The following VPS13D variants were observed in gnomAD, a reference collection of about 807,000 sequenced individuals.
VPS13D encodes the protein vacuolar protein sorting 13 homolog D.
VPS13D carries 187 observed loss-of-function variants against 461.9 expected under a neutral mutation model. The ratio of observed to expected loss-of-function variants is 0.40; its 90% confidence interval spans 0.36 to 0.46. VPS13D has a LOEUF of 0.46. Ranked by LOEUF, VPS13D falls within the 20% of genes least tolerant of loss-of-function variation. The pLI, the probability that VPS13D is intolerant of heterozygous loss-of-function variation, is 0.60. For missense variants in VPS13D, 4,711 were observed against 5,364.9 expected, an observed-to-expected ratio of 0.88 and a Z score of 3.81; for synonymous variants, 1,951 against 1,986.3, an observed-to-expected ratio of 0.98 and a Z score of 0.47.
chr1:12,444,386 A>G (rs937225984), intron 65 of VPS13D, among the ~76,000 whole-genome samples: 1 of 152,120 alleles, frequency 6.6e-6, no homozygotes, highest in Non-Finnish European at 1.5e-5. Flanking sequence ...TGGGATTTGT[A>G]GAACTTCTTG....
rs562860720 is a variant in VPS13D, at chr1:12,299,943, A to G, written c.6216+559A>G. On this transcript the variant is annotated intron_variant, in intron 25 of 69. Coordinates refer to ENST00000620676, the MANE Select transcript of VPS13D (RefSeq NM_015378.4). The surrounding 1 kb of genome is among the most constrained non-coding windows in gnomAD (Gnocchi z 4.2). ...CTTTTGTTTTAGATACAGGGGGTACATGTGCAGGTTTCTTAGATGGGTATA... is the reference window on the plus strand; with the variant it reads ...CTTTTGTTTTAGATACAGGGGGTACGTGTGCAGGTTTCTTAGATGGGTATA... Among the ~76,000 whole-genome samples the G allele has an allele frequency of 4.7e-4, 71 of 150,052 alleles. No homozygotes were observed. Among genetic ancestry groups the G allele is most frequent in the African/African-American group, 1.6e-3 (65 of 40,756 alleles).
chr1:12,493,260 G>T (rs930780013), intron 67 of VPS13D, among the ~76,000 whole-genome samples: 1 of 151,556 alleles, frequency 6.6e-6, no homozygotes, highest in Non-Finnish European at 1.5e-5. Flanking sequence ...AGGCCGAGGC[G>T]GGTGGATCAC....
chr1:12,448,836 C>T (rs1645226334), intron 65 of VPS13D, among the ~76,000 whole-genome samples: 1 of 152,124 alleles, frequency 6.6e-6, no homozygotes, highest in South Asian at 2.1e-4. Flanking sequence ...TCTGAGCTTC[C>T]AGATTAATCT....
chr1:12,474,290 T>G (rs1196287122), intron 67 of VPS13D, among the ~76,000 whole-genome samples: 2 of 152,180 alleles, frequency 1.3e-5, no homozygotes. Flanking sequence ...ATTACGTGGT[T>G]TGGAAAGCAT....
chr1:12,400,958 G>GTGCACACACA (rs1644568079), intron 61 of VPS13D, among the ~76,000 whole-genome samples: 1 of 80,438 alleles, frequency 1.2e-5, no homozygotes, highest in African/African-American at 4.9e-5. Flanking sequence ...GCACCTGCGC[G>GTGCACACACA]CGCGCACACA....
intron 54 of VPS13D, among the ~76,000 whole-genome samples, chr1:12,371,390 CTTTT>C (rs1286829007): frequency 3.7e-5 from 5 of 135,204 alleles, no homozygotes; most frequent in East Asian, 2.1e-4. Flanking sequence ...ATGCTTCATT[CTTTT>C]TTTTTTTTTT....
In VPS13D at chr1:12,272,392, G is replaced by GGTGTGT. The variant is rs60615824; in HGVS notation, c.2104-578_2104-573dup. Reference sequence around the variant, plus strand: ...GAGAATTAGTCCTGTTTTTTGTTTTGGTGTGTGTGTGTGTGTGTGTGTGTG... The same window carrying GGTGTGT: ...GAGAATTAGTCCTGTTTTTTGTTTTGGTGTGTGTGTGTGTGTGTGTGTGTGTGTGTG... On this transcript the variant is annotated intron_variant, in intron 17 of 69. Transcript: ENST00000620676. Among the ~76,000 whole-genome samples, 1,166 of 143,116 alleles carry GGTGTGT rather than the reference G, an allele frequency of 8.1e-3. 8 individuals are homozygous for GGTGTGT. The highest frequency in any genetic ancestry group is 0.013 in the African/African-American group (529 of 39,318). 93.9% of individuals were successfully genotyped at this position (143,116 alleles called of 152,430 possible).
chr1:12,481,341 C>T (rs775332182), intron 67 of VPS13D, among the ~76,000 whole-genome samples: 8 of 152,166 alleles, frequency 5.3e-5, no homozygotes, highest in African/African-American at 1.4e-4. Flanking sequence ...CTTTCCCCTC[C>T]GTGCCCAACC....
intron 2 of VPS13D, among the ~76,000 whole-genome samples, chr1:12,242,016 G>A (rs893940253): frequency 1.3e-5 from 2 of 152,056 alleles, no homozygotes; most frequent in South Asian, 4.1e-4. Flanking sequence ...AAAGAGACCC[G>A]CCGGCCACAT....
intron 65 of VPS13D, among the ~76,000 whole-genome samples, chr1:12,417,793 A>G (rs896317095): frequency 1.3e-5 from 2 of 152,212 alleles, no homozygotes; most frequent in East Asian, 1.9e-4. Flanking sequence ...TTTTTCCCCA[A>G]ACTATTTTCT....
chr1:12,286,900 A>G lies in VPS13D; in HGVS notation c.5635-1323A>G, dbSNP rs189100181. ...TTTTGAGACAGGGTCTTGCCCTATCACCCAGGCTGTAGTGCAGTGGTGCGA... is the reference window on the plus strand; with the variant it reads ...TTTTGAGACAGGGTCTTGCCCTATCGCCCAGGCTGTAGTGCAGTGGTGCGA... On this transcript the variant is annotated intron_variant, in intron 21 of 69. Transcript: ENST00000620676. Among the ~76,000 whole-genome samples, 372 of 152,258 alleles carry G rather than the reference A, an allele frequency of 2.4e-3. 5 individuals carry two copies. Among genetic ancestry groups the G allele is most frequent in the African/African-American group, 7.4e-3 (307 of 41,544 alleles).
At chr1:12,454,415 A>T (rs1557448723) in intron 65 of VPS13D, among the ~76,000 whole-genome samples, 1 of 152,240 alleles carries the variant, frequency 6.6e-6, no homozygotes, top group Non-Finnish European at 1.5e-5. Context: ...TAATTCTCTC[A>T]TTAGACAGGC....
At chr1:12,426,550 C>T (rs1644926704) in intron 65 of VPS13D, among the ~76,000 whole-genome samples, 1 of 152,172 alleles carries the variant, frequency 6.6e-6, no homozygotes, top group Non-Finnish European at 1.5e-5. Flanking sequence ...TAGTCCTTTT[C>T]TTTCCTTACC....
rs1643885287 is a variant in VPS13D at position 12,356,302 on chromosome 1, C to T, written c.9872-96C>T. On this transcript the variant is annotated intron_variant, in intron 48 of 69. Transcript: ENST00000620676. ...GCCCACTAAATAGATTCAGTTTTCA[C>T]TCTTTTCCCGCTTGATGGTTTTATT... 2.0e-6 allele frequency: 3 copies of T among 1,472,126 alleles called. No homozygotes were observed. In the African/African-American group the frequency reaches 4.2e-5, roughly 21 times the overall value. The allele number at this position is 1,472,126 out of a possible 1,614,324, so 91.2% of individuals were successfully genotyped here. A position where few individuals can be genotyped will look rare whatever the true frequency, so the allele number is the denominator to read the frequency against.
chr1:12,369,371 A>G, intron 53 of VPS13D, 96 bp from the exon 54 acceptor site: 1 of 1,037,002 alleles, frequency 9.6e-7, no homozygotes, highest in African/African-American at 1.6e-5. Flanking sequence ...TTCATTTAGG[A>G]AGGATTTGGA....
chr1:12,442,129 T>G (rs540779150), intron 65 of VPS13D, among the ~76,000 whole-genome samples: 13 of 152,212 alleles, frequency 8.5e-5, no homozygotes, highest in Non-Finnish European at 1.8e-4. Context: ...TCCTTAAACT[T>G]TTTAGAGTCA....
At position 12,288,280 on chromosome 1, in the gene VPS13D, G is replaced by T; in HGVS notation, c.5692G>T (p.Val1898Leu). 1 of 1,614,144 alleles carries T rather than the reference G, an allele frequency of 6.2e-7. No individual in the cohort carries two copies. The highest frequency in any genetic ancestry group is 8.5e-7 in the Non-Finnish European group (1 of 1,179,988). The change falls in exon 22 of 70, where the codon GTG (valine) becomes TTG (leucine). Residue 1898 changes from valine to leucine, a missense_variant. By Grantham distance (32) the Val-to-Leu change is conservative. Transcript: ENST00000620676. ...KTTSELAKAN[V>L]SKLVAHLEMI... ...CACCAGTGAGCTTGCCAAAGCAAAT[G>T]TGTCCAAATTAGTAGCACACCTGGA...
At position 12,314,201 on chromosome 1, in the gene VPS13D, C is replaced by T; in HGVS notation, c.7022C>T (p.Ala2341Val). 6.2e-7 allele frequency: 1 copy of T among 1,614,158 alleles called. No individual in the cohort carries two copies. The highest frequency in any genetic ancestry group is 8.5e-7 in the Non-Finnish European group (1 of 1,180,026). The stretch of plus-strand genomic sequence containing the variant: ...AACTTGGTTTCCCATTCCATGATGG[C>T]TTTTGACACCCGTTATGCTGGGCAG... Reference protein sequence around the residue: ...SINLVSHSMMAFDTRYAGQKT... With the variant: ...SINLVSHSMMVFDTRYAGQKT... Residue 2341 changes from alanine to valine, a missense_variant, in exon 30 of 70, where the codon GCT becomes GTT. Physicochemically the swap from Ala to Val is moderately conservative, Grantham distance 64 (BLOSUM62 0). Coordinates refer to ENST00000620676, the MANE Select transcript of VPS13D (RefSeq NM_015378.4).
At chr1:12,455,212 T>G (rs565069512) in intron 65 of VPS13D, among the ~76,000 whole-genome samples, 23 of 152,336 alleles carry the variant, frequency 1.5e-4, no homozygotes, top group African/African-American at 2.6e-4. Context: ...AAATGGAGCT[T>G]GGCACCTCAT....
Sources: allele counts gnomAD v4.1 joint callset (sites outside exome capture counted in the v4.1 genomes callset), GRCh38; gene constraint gnomAD v4.1.1; non-coding constraint Gnocchi (gnomAD v3.1); transcripts MANE v1.5; gene names NCBI Gene and HGNC (gene_info 2026-07-23, HGNC 2026-07-21).